The following SMOC1 variants were observed in gnomAD, a reference collection of about 807,000 sequenced individuals.
SMOC1 encodes the protein SPARC-related modular calcium-binding protein 1.
Under a neutral mutation model 56.3 loss-of-function variants are expected in SMOC1, and 22 were observed. The observed-to-expected ratio is 0.39, with a 90% CI of 0.28 to 0.56. The LOEUF (loss-of-function observed/expected upper bound fraction) is 0.56. SMOC1 is among the 20% of genes least tolerant of loss of function. The pLI, the probability that SMOC1 is intolerant of heterozygous loss-of-function variation, is 0.61. For synonymous variants in SMOC1, 193 were observed against 215.0 expected, an observed-to-expected ratio of 0.90 and a Z score of 0.89; for missense variants, 509 against 565.4, an observed-to-expected ratio of 0.90 and a Z score of 1.01.
At chr14:69,930,791 G>A (rs1336168717) in intron 1 of SMOC1, among the ~76,000 whole-genome samples, 1 of 152,220 alleles carries the variant, frequency 6.6e-6, no homozygotes, top group Non-Finnish European at 1.5e-5. Context: ...CTCTTGGCCT[G>A]GAGCTGGGAA....
At chr14:70,023,938 G>A (rs571580765) in intron 11 of SMOC1, among the ~76,000 whole-genome samples, 1 of 152,150 alleles carries the variant, frequency 6.6e-6, no homozygotes, top group Non-Finnish European at 1.5e-5. Flanking sequence ...TCTTCATCAT[G>A]TGGCTTCCAA....
chr14:69,935,934 T>C (rs1455829873), intron 1 of SMOC1, among the ~76,000 whole-genome samples: 2 of 152,168 alleles, frequency 1.3e-5, no homozygotes, highest in Non-Finnish European at 2.9e-5. Flanking sequence ...GTGGAGCTAG[T>C]GTATGAAACT....
chr14:70,005,059 C>T (rs751496907), intron 7 of SMOC1, among the ~76,000 whole-genome samples: 1 of 152,220 alleles, frequency 6.6e-6, no homozygotes, highest in Non-Finnish European at 1.5e-5. Context: ...CTGTCTGCTC[C>T]TTTCTTCAGC....
chr14:69,956,885 T>G (rs2139451585), intron 3 of SMOC1, among the ~76,000 whole-genome samples: 1 of 152,258 alleles, frequency 6.6e-6, no homozygotes. Context: ...TAAATCAATA[T>G]CTGGGAATGG....
chr14:69,998,877 C>T (rs1188117014), intron 7 of SMOC1, among the ~76,000 whole-genome samples: 2 of 152,072 alleles, frequency 1.3e-5, no homozygotes, highest in African/African-American at 4.8e-5. Context: ...TAACTTCTTC[C>T]ATGATCTGAT....
chr14:69,999,460 C>G (rs1251491686), intron 7 of SMOC1, among the ~76,000 whole-genome samples: 1 of 152,232 alleles, frequency 6.6e-6, no homozygotes, highest in Non-Finnish European at 1.5e-5. Flanking sequence ...CACCTGGAAT[C>G]TCGCACATGA....
At chr14:69,939,787 C>T (rs1882478409) in intron 1 of SMOC1, among the ~76,000 whole-genome samples, 1 of 152,226 alleles carries the variant, frequency 6.6e-6, no homozygotes, top group Admixed American at 6.5e-5. Context: ...CCTTAGTCCC[C>T]ACTTTGGTGT....
intron 1 of SMOC1, among the ~76,000 whole-genome samples, chr14:69,905,004 C>T (rs897983859): frequency 6.6e-6 from 1 of 152,230 alleles, no homozygotes; most frequent in Non-Finnish European, 1.5e-5. Context: ...AAGTTTGTAA[C>T]GGGTTGCCTG....
At chr14:69,881,162 T>A (rs2139278787) in intron 1 of SMOC1, among the ~76,000 whole-genome samples, 1 of 151,696 alleles carries the variant, frequency 6.6e-6, no homozygotes, top group East Asian at 1.9e-4. Context: ...GCTCCAGGAG[T>A]GACTTTTATG....
chr14:69,969,580 G>A (rs1251353650), intron 3 of SMOC1, among the ~76,000 whole-genome samples: 1 of 152,088 alleles, frequency 6.6e-6, no homozygotes, highest in Non-Finnish European at 1.5e-5. Context: ...CCAGCCCGAT[G>A]GTCCAGTCAC....
chr14:69,925,620 C>A (rs1884989048), intron 1 of SMOC1, among the ~76,000 whole-genome samples: 1 of 152,170 alleles, frequency 6.6e-6, no homozygotes, highest in South Asian at 2.1e-4. Context: ...GTGTGTCTTA[C>A]TCCCTGTGTC....
intron 7 of SMOC1, among the ~76,000 whole-genome samples, chr14:70,008,284 C>T (rs1885213818): frequency 1.3e-5 from 2 of 152,108 alleles, no homozygotes; most frequent in African/African-American, 4.8e-5. Context: ...CATGTGCTAT[C>T]ACACTGGCTA....
intron 1 of SMOC1, among the ~76,000 whole-genome samples, chr14:69,894,623 T>G (rs921170098): frequency 6.6e-6 from 1 of 152,000 alleles, no homozygotes; most frequent in African/African-American, 2.4e-5. Flanking sequence ...TCTGTGACAT[T>G]TGGAGACAAG....
chr14:69,886,533 G>A (rs1378198532), intron 1 of SMOC1, among the ~76,000 whole-genome samples: 1 of 152,156 alleles, frequency 6.6e-6, no homozygotes, highest in Admixed American at 6.5e-5. Flanking sequence ...AAGTGTGTTT[G>A]GTAGTTACAG....
chr14:69,928,040 C>T (rs977076466), intron 1 of SMOC1, among the ~76,000 whole-genome samples: 2 of 152,150 alleles, frequency 1.3e-5, no homozygotes, highest in Non-Finnish European at 2.9e-5. Flanking sequence ...CGATGCAGTG[C>T]GATTCCTGCC....
At chr14:69,949,407 A>G (rs1435214977) in intron 1 of SMOC1, among the ~76,000 whole-genome samples, 1 of 152,194 alleles carries the variant, frequency 6.6e-6, no homozygotes, top group African/African-American at 2.4e-5. Flanking sequence ...ATTGTGCTAG[A>G]TGCTCGGGGG....
intron 1 of SMOC1, among the ~76,000 whole-genome samples, chr14:69,894,858 A>T (rs1319189086): frequency 6.6e-6 from 1 of 152,236 alleles, no homozygotes; most frequent in Non-Finnish European, 1.5e-5. Context: ...TAGATAGGCC[A>T]TGTGAAGATG....
chr14:69,932,162 C>T (rs1885182085), intron 1 of SMOC1, among the ~76,000 whole-genome samples: 1 of 152,220 alleles, frequency 6.6e-6, no homozygotes, highest in Non-Finnish European at 1.5e-5. Flanking sequence ...TTCACCACTA[C>T]CCTCTGTGTT....
At position 70,021,062 on chromosome 14, in the gene SMOC1, C is replaced by A. The variant is rs117442822; in HGVS notation, c.1047-2141C>A. The stretch of plus-strand genomic sequence containing the variant: ...TATTCCAGCCTCTAGGTAGACATTA[C>A]GCTATACTGAGCCTAAAGGTTAAAG... On this transcript the variant is annotated intron_variant, in intron 10 of 11. Transcript: ENST00000361956. 4.6e-3 allele frequency among the ~76,000 whole-genome samples: 698 copies of A among 152,264 alleles called. 15 individuals are homozygous for A. Among genetic ancestry groups the A allele is most frequent in the East Asian group, 0.032 (166 of 5,172 alleles).
Sources: gnomAD v4.1 joint callset for allele counts (sites outside exome capture counted in the v4.1 genomes callset) on GRCh38, gnomAD v4.1.1 for gene constraint, MANE v1.5 for transcripts, NCBI Gene and HGNC (gene_info 2026-07-23, HGNC 2026-07-21) for gene names.